The following TBC1D19 variants were observed in gnomAD, a reference collection of about 807,000 sequenced individuals.
The protein encoded by TBC1D19 is TBC1 domain family, member 19.
TBC1D19 carries 60 observed loss-of-function variants against 89.0 expected under a neutral mutation model. That is an observed-to-expected ratio of 0.67 (90% CI 0.55 to 0.84). TBC1D19 has a LOEUF of 0.84. Ranked by LOEUF, TBC1D19 falls within the 40% of genes least tolerant of loss-of-function variation. The pLI, the probability that TBC1D19 is intolerant of heterozygous loss-of-function variation, is 0.00. For synonymous variants in TBC1D19, 189 were observed against 199.7 expected (o/e 0.95, Z 0.45); for missense variants, 500 against 610.8 (o/e 0.82, Z 1.91).
chr4:26,583,678 A>G (rs935555547), upstream of TBC1D19, among the ~76,000 whole-genome samples: 4 of 152,174 alleles, frequency 2.6e-5, no homozygotes, highest in Non-Finnish European at 4.4e-5. Flanking sequence ...TCATCACAAC[A>G]TCCTGCAAAC....
intron 13 of TBC1D19, among the ~76,000 whole-genome samples, chr4:26,710,062 G>A (rs1420715985): frequency 6.6e-6 from 1 of 151,748 alleles, no homozygotes; most frequent in African/African-American, 2.4e-5. Context: ...TTAAGTTTTA[G>A]GGCACATGTG....
intron 7 of TBC1D19, among the ~76,000 whole-genome samples, chr4:26,643,922 G>A (rs1445063066): frequency 6.6e-6 from 1 of 151,950 alleles, no homozygotes; most frequent in Non-Finnish European, 1.5e-5. Flanking sequence ...TGAAATTGAG[G>A]CAATAATTAA....
intron 14 of TBC1D19, among the ~76,000 whole-genome samples, chr4:26,719,357 G>T (rs886587089): frequency 7.2e-5 from 11 of 151,834 alleles, no homozygotes; most frequent in Non-Finnish European, 1.0e-4. Context: ...AGAATAAAAA[G>T]AACTTTTTTT....
At chr4:26,588,416 GT>G (rs59552200) in intron 1 of TBC1D19, among the ~76,000 whole-genome samples, 69,098 of 151,816 alleles carry the variant, frequency 0.46, 17,464 homozygotes, top group Admixed American at 0.6. Context: ...TTGTTTTTCT[GT>G]TTTCAATCGC....
intron 11 of TBC1D19, among the ~76,000 whole-genome samples, chr4:26,678,539 T>C (rs530574811): frequency 3.0e-4 from 46 of 152,198 alleles, no homozygotes; most frequent in African/African-American, 9.6e-4. Context: ...TTTTTTTTTT[T>C]TCAACCTCAG....
At chr4:26,818,864 G>A in the TBC1D19 span, among the ~76,000 whole-genome samples, 3 of 152,210 alleles carry the variant, frequency 2.0e-5, no homozygotes, top group African/African-American at 7.2e-5. Context: ...TTCAGTGTGT[G>A]TGTACTAAAA....
At chr4:26,754,022 G>A (rs1165286198) in intron 20 of TBC1D19, 132 bp downstream of exon 20, 1 of 807,480 alleles carries the variant, frequency 1.2e-6, no homozygotes, top group African/African-American at 1.7e-5. Context: ...AACCTGTTAA[G>A]TTCTGAGCTA....
chr4:26,846,807 T>C, the TBC1D19 span, among the ~76,000 whole-genome samples: 1 of 152,198 alleles, frequency 6.6e-6, no homozygotes, highest in Non-Finnish European at 1.5e-5. Context: ...TCTTAACCTT[T>C]CTGCTACACT....
chr4:26,634,212 A>C (rs968893719), intron 4 of TBC1D19, among the ~76,000 whole-genome samples: 2 of 152,092 alleles, frequency 1.3e-5, no homozygotes, highest in African/African-American at 4.8e-5. Flanking sequence ...CTGCAGCTGC[A>C]GACCTCAATC....
In TBC1D19 at chr4:26,708,570, C is replaced by T. The variant is rs542362442; in HGVS notation, c.955-9363C>T. ...TCAAATATTCTCTCTACCCCTTCCT[C>T]AATTTCTCTCATCTTTCTGAGACTC... is the stretch of plus-strand genomic sequence containing the variant. On this transcript the variant is annotated intron_variant, in intron 13 of 20. Transcript: ENST00000264866. Among the ~76,000 whole-genome samples, 3 of 152,184 alleles carry T rather than the reference C, an allele frequency of 2.0e-5. No individual in the cohort carries two copies. The South Asian group carries it at 6.2e-4, about 32-fold the overall frequency.
the TBC1D19 span, among the ~76,000 whole-genome samples, chr4:26,773,704 C>T: frequency 6.6e-6 from 1 of 152,132 alleles, no homozygotes; most frequent in Non-Finnish European, 1.5e-5. Flanking sequence ...TTTCCCAGCA[C>T]CATTTATTAA....
the TBC1D19 span, among the ~76,000 whole-genome samples, chr4:26,764,172 A>G: frequency 6.6e-6 from 1 of 152,206 alleles, no homozygotes; most frequent in Admixed American, 6.5e-5. Context: ...ATATTTATCA[A>G]TGTAATATTT....
At chr4:26,651,501 G>A (rs1336591259) in intron 7 of TBC1D19, among the ~76,000 whole-genome samples, 1 of 151,996 alleles carries the variant, frequency 6.6e-6, no homozygotes, top group African/African-American at 2.4e-5. Context: ...GTTCACTCAT[G>A]ATTTGGCTGT....
chr4:26,609,977 A>G, intron 1 of TBC1D19, among the ~76,000 whole-genome samples: 1 of 152,152 alleles, frequency 6.6e-6, no homozygotes, highest in East Asian at 1.9e-4. Flanking sequence ...AATTAATCAT[A>G]TAGTATAATA....
chr4:26,725,909 A>G (rs1717281879), intron 15 of TBC1D19, among the ~76,000 whole-genome samples: 1 of 152,202 alleles, frequency 6.6e-6, no homozygotes, highest in South Asian at 2.1e-4. Context: ...AAATGAACAT[A>G]GAATACAGAG....
At chr4:26,637,700 C>T (rs1013865220) in intron 5 of TBC1D19, among the ~76,000 whole-genome samples, 1 of 152,054 alleles carries the variant, frequency 6.6e-6, no homozygotes, top group Admixed American at 6.6e-5. Context: ...AGTATATCAC[C>T]TTGGTTTGAA....
intron 8 of TBC1D19, among the ~76,000 whole-genome samples, chr4:26,661,503 C>T (rs1745219862): frequency 6.6e-6 from 1 of 152,102 alleles, no homozygotes; most frequent in African/African-American, 2.4e-5. Flanking sequence ...TTCTTTATTA[C>T]CTCATTTCTA....
At chr4:26,606,438 T>C (rs1741008785) in intron 1 of TBC1D19, among the ~76,000 whole-genome samples, 1 of 152,132 alleles carries the variant, frequency 6.6e-6, no homozygotes. Flanking sequence ...CATAGGAAGC[T>C]CTCTCACAGA....
chr4:26,598,469 A>G (rs369403414), intron 1 of TBC1D19, among the ~76,000 whole-genome samples: 48 of 152,076 alleles, frequency 3.2e-4, no homozygotes, highest in Middle Eastern at 3.4e-3. Context: ...ACCTTGGCTC[A>G]CTGCAAGCTC....
Sources: allele counts gnomAD v4.1 joint callset (sites outside exome capture counted in the v4.1 genomes callset), GRCh38; gene constraint gnomAD v4.1.1; transcripts MANE v1.5; gene names NCBI Gene and HGNC (gene_info 2026-07-23, HGNC 2026-07-21).